ZXDC: variants seen among roughly 807,000 people sequenced by gnomAD.
ZXDC encodes ZXD family zinc finger C.
In ZXDC, 58 loss-of-function variants were observed where a neutral mutation model predicts 63.6. The ratio of observed to expected loss-of-function variants is 0.91; its 90% CI spans 0.74 to 1.13. The LOEUF is 1.13. ZXDC is among the 50% of genes most tolerant of loss of function. The probability of loss-of-function intolerance (pLI) is 0.00; values close to 1 mark genes in which losing one functional copy is unlikely to be tolerated. For missense variants in ZXDC, 1,133 were observed against 1,148.9 expected (o/e 0.99, Z 0.20); for synonymous variants, 561 against 496.1 (o/e 1.13, Z -1.74).
chr3:126,448,722 G>C (rs777492), intron 7 of ZXDC, among the ~76,000 whole-genome samples: 88,145 of 152,160 alleles, frequency 0.58, 26,963 homozygotes, highest in South Asian at 0.74. Flanking sequence ...TACAGCAGGG[G>C]CCACCCAGGA....
intron 4 of ZXDC, among the ~76,000 whole-genome samples, chr3:126,469,959 A>C (rs1192119210): frequency 6.6e-6 from 1 of 152,200 alleles, no homozygotes; most frequent in African/African-American, 2.4e-5. Flanking sequence ...AGGCCCAGAG[A>C]AGCAGCTTGA....
chr3:126,472,828 C>T (rs910285110), intron 1 of ZXDC, among the ~76,000 whole-genome samples: 2 of 152,176 alleles, frequency 1.3e-5, no homozygotes, highest in African/African-American at 2.4e-5. Context: ...GATTCTTTTT[C>T]CTTTCGCAAT....
At position 126,463,161 on chromosome 3, in the gene ZXDC, C is replaced by T. The variant is rs139783402; in HGVS notation, c.1442-941G>A. 5.0e-3 allele frequency among the ~76,000 whole-genome samples: 758 copies of T among 152,170 alleles called. 15 individuals are homozygous for T. In the East Asian group the frequency reaches 0.069, roughly 14 times the overall value. On this transcript the variant is annotated intron_variant, in intron 5 of 9. Coordinates refer to ENST00000389709, the MANE Select transcript of ZXDC (RefSeq NM_025112.5). The stretch of plus-strand genomic sequence containing the variant: ...TCGGCTCACTGCAAGCTCCGCCTCC[C>T]GGGTTCACCCCGTTCTCTTGCCTCA...
intron 9 of ZXDC, 51 bp from the exon 10 acceptor site, chr3:126,438,512 G>A (rs980933796): frequency 1.3e-6 from 2 of 1,551,966 alleles, no homozygotes; most frequent in Admixed American, 1.7e-5. Flanking sequence ...GGAGGCAGAG[G>A]GATCCTGTGG....
At chr3:126,439,551 C>A in intron 9 of ZXDC, 81 bp downstream of exon 9, 3 of 1,549,168 alleles carry the variant, frequency 1.9e-6, no homozygotes, top group Non-Finnish European at 2.6e-6. Flanking sequence ...GACCAGCCTG[C>A]AGCTGTGAAG....
Position 126,438,417 on chromosome 3 carries a change from G to A in ZXDC, c.2535C>T (p.Thr845=). Residue 845 remains threonine (T), a synonymous_variant, in exon 10 of 10, where the codon ACC becomes ACT. Transcript: ENST00000389709. ...GGTTGATAGTGCTTCCTGGGAACTG[G>A]GTGGCCTCCGGTCCAGCAGGGCCTC... The part of the protein sequence containing the change: ...SSGGPAGPEA[T]QFPGSTINLQ... 6.2e-7 allele frequency: 1 copy of A among 1,613,924 alleles called. No homozygotes were observed. The highest frequency in any genetic ancestry group is 1.1e-5 in the South Asian group (1 of 90,996).
intron 6 of ZXDC, chr3:126,460,977 A>G (rs1049337672): frequency 5.7e-5 from 56 of 974,116 alleles, no homozygotes; most frequent in Non-Finnish European, 6.8e-5. Context: ...TTTAAATTAA[A>G]TTATATTAAA....
chr3:126,463,891 T>C (rs1487031725), intron 5 of ZXDC, among the ~76,000 whole-genome samples: 1 of 152,256 alleles, frequency 6.6e-6, no homozygotes, highest in East Asian at 1.9e-4. Flanking sequence ...ATTCAGAATG[T>C]ATCCTCTTTA....
At chr3:126,448,652 A>C (rs1933973216) in intron 7 of ZXDC, among the ~76,000 whole-genome samples, 1 of 152,194 alleles carries the variant, frequency 6.6e-6, no homozygotes, top group Non-Finnish European at 1.5e-5. Flanking sequence ...CTAGGGCTGG[A>C]GGGACTAGGG....
intron 7 of ZXDC, among the ~76,000 whole-genome samples, chr3:126,455,760 G>A (rs972294500): frequency 1.3e-5 from 2 of 152,178 alleles, no homozygotes; most frequent in African/African-American, 4.8e-5. Flanking sequence ...CACTTTGGGA[G>A]GCCGAGGCGG....
rs908175214 is a variant in ZXDC, at chr3:126,474,819, G to A, written c.907+140C>T. 6.8e-6 allele frequency: 7 copies of A among 1,025,620 alleles called. No homozygotes were observed. In the African/African-American group the frequency reaches 9.7e-5, roughly 14 times the overall value. 63.5% of individuals were successfully genotyped at this position (1,025,620 alleles called of 1,614,324 possible). ...CCAAGATCTCAAATCGAATGACATG[G>A]AAGGAGCTAGAATACAAATCCCGAA... On this transcript the variant is annotated intron_variant, in intron 1 of 9. Transcript: ENST00000389709.
rs1053141722 is a variant in ZXDC, at chr3:126,437,601, T to A, written c.*774A>T. On this transcript the variant is annotated 3_prime_UTR_variant, in exon 10 of 10. Coordinates refer to ENST00000389709, the MANE Select transcript of ZXDC (RefSeq NM_025112.5). Reference sequence around the variant, plus strand: ...TCAATAATAAAACATACACGCGCCATCACAGTCCTACACATAATTTATGGT... The same window carrying A: ...TCAATAATAAAACATACACGCGCCAACACAGTCCTACACATAATTTATGGT... 6.6e-6 allele frequency: 1 copy of A among 152,038 alleles called. No individual in the cohort carries two copies. The highest frequency in any genetic ancestry group is 1.9e-4 in the East Asian group (1 of 5,178). The allele number at this position is 152,038 out of a possible 1,614,324, so 9.4% of individuals were successfully genotyped here. A position where few individuals can be genotyped will look rare whatever the true frequency, so the allele number is the denominator to read the frequency against.
chr3:126,446,895 G>A (rs887444559), intron 7 of ZXDC, among the ~76,000 whole-genome samples: 1 of 152,226 alleles, frequency 6.6e-6, no homozygotes, highest in Admixed American at 6.5e-5. Flanking sequence ...CTGAAACACT[G>A]TAAGTAGTTT....
intron 7 of ZXDC, chr3:126,454,264 T>C: frequency 1.1e-5 from 11 of 984,968 alleles, no homozygotes; most frequent in Non-Finnish European, 1.3e-5. Context: ...TGCTAGTTTC[T>C]ATACATTCAA....
intron 7 of ZXDC, chr3:126,442,989 T>C (rs1159804046): frequency 6.6e-6 from 1 of 152,270 alleles, no homozygotes; most frequent in African/African-American, 2.4e-5. Context: ...CTCACCTCAC[T>C]CCAGATCCCT....
At chr3:126,460,886 G>T in intron 6 of ZXDC, 1 of 985,262 alleles carries the variant, frequency 1.0e-6, no homozygotes, top group Non-Finnish European at 1.2e-6. Context: ...AATTTAGCCT[G>T]TGCCACAAAA....
intron 7 of ZXDC, among the ~76,000 whole-genome samples, chr3:126,458,282 G>C (rs1934390767): frequency 6.7e-6 from 1 of 148,348 alleles, no homozygotes; most frequent in Non-Finnish European, 1.5e-5. Flanking sequence ...TGTCACCCAG[G>C]CTGGAGCACA....
chr3:126,475,258 T>C lies in ZXDC; in HGVS notation c.608A>G (p.Gln203Arg), dbSNP rs1488900797. 6.4e-7 allele frequency: 1 copy of C among 1,556,530 alleles called. No individual in the cohort carries two copies. Among genetic ancestry groups the C allele is most frequent in the East Asian group, 2.4e-5 (1 of 41,374 alleles). Residue 203 changes from glutamine to arginine, a missense_variant, in exon 1 of 10, where the codon CAG (glutamine) becomes CGG (arginine). Physicochemically the swap from Gln to Arg is conservative, Grantham distance 43. Transcript: ENST00000389709. ...KVHLLTHGGG[Q>R]GRRPFKCPLE... ...TGGGCACTTGAAGGGCCGCCGGCCC[T>C]GACCGCCGCCGTGCGTGAGCAGGTG...
intron 6 of ZXDC, chr3:126,460,696 C>T: frequency 4.1e-6 from 4 of 985,414 alleles, no homozygotes; most frequent in Non-Finnish European, 3.6e-6. Context: ...ACAAGCAAGA[C>T]ACCAGAAATG....
Sources: gnomAD v4.1 joint callset for allele counts (sites outside exome capture counted in the v4.1 genomes callset) on GRCh38, gnomAD v4.1.1 for gene constraint, MANE v1.5 for transcripts, NCBI Gene and HGNC (gene_info 2026-07-23, HGNC 2026-07-21) for gene names.